WDR26: variants seen among roughly 807,000 people sequenced by gnomAD.
WDR26 encodes the protein WD repeat-containing protein 26.
WDR26 carries 5 observed loss-of-function variants against 84.1 expected under a neutral mutation model. The observed-to-expected ratio is 0.06, with a 90% CI of 0.03 to 0.13. The LOEUF (loss-of-function observed/expected upper bound fraction) is 0.13, where lower values mean the gene tolerates loss of function less well. Among genes scored for constraint, WDR26 ranks in the 10% least tolerant of loss-of-function variants. The pLI, the probability that WDR26 is intolerant of heterozygous loss-of-function variation, is 1.00. For synonymous variants in WDR26, 415 were observed against 389.6 expected (o/e 1.07, Z -0.77); for missense variants, 642 against 974.9 (o/e 0.66, Z 4.55).
rs1388012482 is a variant in WDR26 at position 224,387,808 on chromosome 1, AT to A, written c.*2026del. 2 of 152,634 alleles carry A rather than the reference AT, an allele frequency of 1.3e-5. No individual in the cohort carries two copies. Among genetic ancestry groups the A allele is most frequent in the East Asian group, 3.8e-4 (2 of 5,206 alleles). 9.5% of individuals were successfully genotyped at this position (152,634 alleles called of 1,614,324 possible). On this transcript the variant is annotated 3_prime_UTR_variant, in exon 14 of 14. Coordinates refer to ENST00000414423, the MANE Select transcript of WDR26 (RefSeq NM_001379403.1). ...CTTAAAATATGAATGGTTTTTAACT[AT>A]ACTGAGGTAAAGAGAAGTTGCCACT...
chr1:224,393,793 G>A, intron 13 of WDR26, 35 bp downstream of exon 13: 2 of 1,437,938 alleles, frequency 1.4e-6, no homozygotes, highest in Non-Finnish European at 1.9e-6. Flanking sequence ...TGTTTCATTT[G>A]GACAAAACAT....
intron 6 of WDR26, among the ~76,000 whole-genome samples, chr1:224,413,590 T>C (rs185817297): frequency 2.8e-4 from 43 of 152,226 alleles, no homozygotes; most frequent in African/African-American, 1.0e-3. Flanking sequence ...GAAGTACTAT[T>C]ATCCCCATTT....
Position 224,411,415 on chromosome 1 carries a change from T to C in WDR26, c.1458+12A>G, listed in dbSNP as rs1017369083. On this transcript the variant is annotated intron_variant, in intron 7 of 13. Transcript: ENST00000414423. ...CCTTTTGTAATATAAACACTCATAT[T>C]GGGGTACATACCGGATCAACTTGCC... 1.9e-6 allele frequency: 3 copies of C among 1,599,452 alleles called. No homozygotes were observed. The highest frequency in any genetic ancestry group is 1.3e-5 in the African/African-American group (1 of 74,460).
intron 3 of WDR26, among the ~76,000 whole-genome samples, chr1:224,427,154 T>A (rs1281791893): frequency 6.6e-6 from 1 of 151,092 alleles, no homozygotes; most frequent in African/African-American, 2.4e-5. Context: ...TGGTATTTTT[T>A]AAATTCAAAC....
chr1:224,397,719 A>G (rs1271072446), intron 12 of WDR26: 1 of 167,616 alleles, frequency 6.0e-6, no homozygotes, highest in Non-Finnish European at 1.3e-5. Flanking sequence ...GATACTACCA[A>G]CCCTTAAAAA....
rs1167540743 is a variant in WDR26, at chr1:224,385,213, A to G, written c.*4622T>C. 1 of 152,270 alleles carries G rather than the reference A, an allele frequency of 6.6e-6. No homozygotes were observed. Among genetic ancestry groups the G allele is most frequent in the Admixed American group, 6.5e-5 (1 of 15,288 alleles). 9.4% of individuals were successfully genotyped at this position (152,270 alleles called of 1,614,324 possible). A position where few individuals can be genotyped will look rare whatever the true frequency, so the allele number is the denominator to read the frequency against. ...ACAAACGACTGGTTAAGTGCTGCGC[A>G]CTGACATGGAAAAAGTGTCTTTAAA... On this transcript the variant is annotated 3_prime_UTR_variant, in exon 14 of 14. Transcript: ENST00000414423.
intron 12 of WDR26, among the ~76,000 whole-genome samples, chr1:224,396,669 T>A (rs1226986533): frequency 6.6e-6 from 1 of 152,190 alleles, no homozygotes; most frequent in Non-Finnish European, 1.5e-5. Context: ...AAAGAATTGA[T>A]GAATTCAGGC....
intron 7 of WDR26, among the ~76,000 whole-genome samples, chr1:224,409,796 G>C (rs1291128227): frequency 6.6e-6 from 1 of 151,966 alleles, no homozygotes; most frequent in East Asian, 1.9e-4. Context: ...CTGGGAGGTA[G>C]AGGTTGCAGT....
chr1:224,430,460 T>C (rs1674360060), intron 3 of WDR26: 1 of 152,166 alleles, frequency 6.6e-6, no homozygotes, highest in East Asian at 1.9e-4. Context: ...TATTATTGTG[T>C]AGAATTATAC....
chr1:224,385,575 C>T lies in WDR26; in HGVS notation c.*4260G>A, dbSNP rs1672975521. 1.3e-5 allele frequency: 2 copies of T among 152,618 alleles called. No homozygotes were observed. The highest frequency in any genetic ancestry group is 1.5e-5 in the Non-Finnish European group (1 of 68,032). The allele number at this position is 152,618 out of a possible 1,614,324, so 9.5% of individuals were successfully genotyped here. A position where few individuals can be genotyped will look rare whatever the true frequency, so the allele number is the denominator to read the frequency against. ...AAAAGCTCTAAGTGTTAACTAGTTC[C>T]ACCACAATGCCATGTAAATCTTGAC... is the stretch of plus-strand genomic sequence containing the variant. On this transcript the variant is annotated 3_prime_UTR_variant, in exon 14 of 14. Coordinates refer to ENST00000414423, the MANE Select transcript of WDR26 (RefSeq NM_001379403.1).
Position 224,400,848 on chromosome 1 carries a change from C to G in WDR26, c.1719+102G>C. 8 of 1,479,314 alleles carry G rather than the reference C, an allele frequency of 5.4e-6. 1 individual carries two copies. The highest frequency in any genetic ancestry group is 5.4e-5 in the South Asian group (4 of 74,296). 91.6% of individuals were successfully genotyped at this position (1,479,314 alleles called of 1,614,324 possible). A position where few individuals can be genotyped will look rare whatever the true frequency, so the allele number is the denominator to read the frequency against. On this transcript the variant is annotated intron_variant, in intron 9 of 13. Transcript: ENST00000414423. Reference sequence around the variant, plus strand: ...GGTGTGAGCCACCATGCCTGGCCCACAGAGTATACTTTGTAAGATACTGAG... The same window carrying G: ...GGTGTGAGCCACCATGCCTGGCCCAGAGAGTATACTTTGTAAGATACTGAG...
At position 224,424,526 on chromosome 1, in the gene WDR26, A is replaced by C; in HGVS notation, c.1056T>G (p.Val352=). The C allele has an allele frequency of 6.2e-7, 1 of 1,613,982 alleles. No homozygotes were observed. Among genetic ancestry groups the C allele is most frequent in the Non-Finnish European group, 8.5e-7 (1 of 1,179,870 alleles). ...GAACTCAGTTTCCTTACCCACTAAG[A>C]ACATGAATGCGCTCTGTATTGTATT... Residue 352 remains valine (V), a synonymous_variant, in exon 4 of 14, where the codon GTT becomes GTG. Coordinates refer to ENST00000414423, the MANE Select transcript of WDR26 (RefSeq NM_001379403.1).
chr1:224,434,738 C>A lies in WDR26; in HGVS notation c.-333G>T. On this transcript the variant is annotated 5_prime_UTR_variant, in exon 1 of 14. In the 5' UTR this introduces an upstream ATG that the reference lacks. Coordinates refer to ENST00000414423, the MANE Select transcript of WDR26 (RefSeq NM_001379403.1). Reference sequence around the variant, plus strand: ...AGCGGAGGCAGCTGCCGCCTCTGTCCTCGGATCCGCTCCGCTCTGCTCCCT... The same window carrying A: ...AGCGGAGGCAGCTGCCGCCTCTGTCATCGGATCCGCTCCGCTCTGCTCCCT... The A allele has an allele frequency of 1.0e-6, 1 of 986,616 alleles. No homozygotes were observed. Among genetic ancestry groups the A allele is most frequent in the South Asian group, 4.5e-5 (1 of 22,126 alleles). 61.1% of individuals were successfully genotyped at this position (986,616 alleles called of 1,614,324 possible).
chr1:224,408,049 T>C (rs1294948019), intron 7 of WDR26, among the ~76,000 whole-genome samples: 1 of 152,202 alleles, frequency 6.6e-6, no homozygotes, highest in Non-Finnish European at 1.5e-5. Context: ...GCATACCCAT[T>C]ATTCCTGCAA....
chr1:224,393,055 T>TG (rs1356775161), intron 13 of WDR26, among the ~76,000 whole-genome samples: 1 of 152,234 alleles, frequency 6.6e-6, no homozygotes, highest in African/African-American at 2.4e-5. Flanking sequence ...GTAGTACTGA[T>TG]ATATCATGTT....
intron 9 of WDR26, among the ~76,000 whole-genome samples, chr1:224,399,789 T>C (rs1558419514): frequency 6.6e-6 from 1 of 152,210 alleles, no homozygotes; most frequent in Non-Finnish European, 1.5e-5. Context: ...AATTAAATGA[T>C]TTATTATCTT....
rs148443474 is a variant in WDR26 at position 224,424,840 on chromosome 1, C to T, written c.928-186G>A. 3.7e-4 allele frequency: 242 copies of T among 657,592 alleles called. 2 individuals are homozygous for T. In the East Asian group the frequency reaches 6.6e-3, roughly 18 times the overall value. The allele number at this position is 657,592 out of a possible 1,614,324, so 40.7% of individuals were successfully genotyped here. ...ACAGTAGATTAAATGTGACTTTGCT[C>T]AATTCCACATCTTACTAAAACTCTG... On this transcript the variant is annotated intron_variant, in intron 3 of 13. Coordinates refer to ENST00000414423, the MANE Select transcript of WDR26 (RefSeq NM_001379403.1).
rs140546120 is a variant in WDR26 at position 224,401,034 on chromosome 1, A to G, written c.1635T>C (p.His545=). The G allele has an allele frequency of 3.5e-3, 5,644 of 1,614,080 alleles. 7 individuals are homozygous for G. The highest frequency in any genetic ancestry group is 4.5e-3 in the Non-Finnish European group (5,330 of 1,179,966). ...AAGCCACACTTGTCAAACTGTCTTC[A>G]TGAGACTGGCTCATTTTTGTCCTTA... Residue 545 remains histidine (H), a synonymous_variant, in exon 9 of 14, where the codon CAT becomes CAC. Transcript: ENST00000414423.
At chr1:224,411,204 C>A (rs934959839) in intron 7 of WDR26, among the ~76,000 whole-genome samples, 3 of 152,074 alleles carry the variant, frequency 2.0e-5, no homozygotes, top group Admixed American at 2.0e-4. Context: ...TTAGATAATG[C>A]ATACACAGAT....
Sources: gnomAD v4.1 joint callset for allele counts (sites outside exome capture counted in the v4.1 genomes callset) on GRCh38, gnomAD v4.1.1 for gene constraint, MANE v1.5 for transcripts, NCBI Gene and HGNC (gene_info 2026-07-23, HGNC 2026-07-21) for gene names.